NBAS: variants seen among roughly 807,000 people sequenced by gnomAD.
NBAS encodes NBAS subunit of NRZ tethering complex, also known as NAG/BC035112 fusion.
Under a neutral mutation model 302.5 loss-of-function variants are expected in NBAS, and 219 were observed. The observed-to-expected ratio is 0.72, with a 90% CI of 0.65 to 0.81. The LOEUF (loss-of-function observed/expected upper bound fraction) is 0.81, where lower values mean the gene tolerates loss of function less well. NBAS is among the 30% of genes least tolerant of loss of function. The pLI is 0.00. For synonymous variants in NBAS, 1,118 were observed against 1,021.6 expected (o/e 1.09, Z -1.80); for missense variants, 2,932 against 2,841.6 (o/e 1.03, Z -0.72).
chr2:15,249,982 C>CA (rs1205247026), intron 44 of NBAS, among the ~76,000 whole-genome samples: 1 of 152,042 alleles, frequency 6.6e-6, no homozygotes, highest in Non-Finnish European at 1.5e-5. Flanking sequence ...CATATGGAAC[C>CA]AAAAAAGAGC....
chr2:15,551,403 AT>A, intron 6 of NBAS, 89 bp downstream of exon 6: 1 of 814,654 alleles, frequency 1.2e-6, no homozygotes, highest in Non-Finnish European at 1.9e-6. Context: ...TTGTTAATAA[AT>A]ATTTAATATC....
chr2:14,865,263 A>G, the NBAS span, among the ~76,000 whole-genome samples: 1 of 149,068 alleles, frequency 6.7e-6, no homozygotes, highest in Non-Finnish European at 1.5e-5. Flanking sequence ...AAAATTATAA[A>G]CCTTTGTATC....
chr2:15,324,949 T>C (rs1354054685), intron 38 of NBAS, among the ~76,000 whole-genome samples: 1 of 152,188 alleles, frequency 6.6e-6, no homozygotes, highest in Non-Finnish European at 1.5e-5. Context: ...GGAGGCCGAC[T>C]AACCCAGAAA....
At position 15,394,366 on chromosome 2, in the gene NBAS, A is replaced by G; in HGVS notation, c.3135-17T>C. ...TCTGACACACTATAAGTGAAAAAAG[A>G]ATTATTTAATGTCTTGCTACCAAAC... On this transcript the variant is annotated splice_polypyrimidine_tract_variant and intron_variant, in intron 27 of 51. Transcript: ENST00000281513. 1 of 1,611,754 alleles carries G rather than the reference A, an allele frequency of 6.2e-7. No individual in the cohort carries two copies. The highest frequency in any genetic ancestry group is 2.2e-5 in the East Asian group (1 of 44,780).
the NBAS span, among the ~76,000 whole-genome samples, chr2:14,796,418 A>G: frequency 6.6e-6 from 1 of 152,238 alleles, no homozygotes. Context: ...TTGACTCTAT[A>G]GATTTGAGAA....
chr2:15,067,543 C>T, the NBAS span, among the ~76,000 whole-genome samples: 3 of 150,886 alleles, frequency 2.0e-5, no homozygotes, highest in East Asian at 5.9e-4. Context: ...CATGGATGAG[C>T]CTGAAGGACA....
At chr2:14,878,690 A>C in the NBAS span, among the ~76,000 whole-genome samples, 1 of 152,180 alleles carries the variant, frequency 6.6e-6, no homozygotes, top group Non-Finnish European at 1.5e-5. Flanking sequence ...GGAATGCTTA[A>C]AAGTAATGGC....
chr2:15,288,485 A>G (rs1670158410), intron 41 of NBAS, among the ~76,000 whole-genome samples: 1 of 152,170 alleles, frequency 6.6e-6, no homozygotes, highest in Non-Finnish European at 1.5e-5. Flanking sequence ...GGTCAAAGTG[A>G]GGAACGTACT....
chr2:15,440,101 G>A (rs901357317), intron 21 of NBAS, among the ~76,000 whole-genome samples: 1 of 152,380 alleles, frequency 6.6e-6, no homozygotes, highest in Non-Finnish European at 1.5e-5. Flanking sequence ...CTAAAAGACA[G>A]CAGTAATCTC....
intron 44 of NBAS, among the ~76,000 whole-genome samples, chr2:15,240,213 C>A: frequency 6.6e-6 from 1 of 152,002 alleles, no homozygotes; most frequent in East Asian, 1.9e-4. Flanking sequence ...TTCTGAAAAG[C>A]AGGACTAGGC....
chr2:15,537,827 T>A (rs79966128), intron 7 of NBAS, among the ~76,000 whole-genome samples: 3,456 of 152,320 alleles, frequency 0.023, 134 homozygotes, highest in African/African-American at 0.079. Flanking sequence ...ACTGTACAAC[T>A]TTTCTCCTGC....
chr2:15,465,067 T>C (rs1374051379), intron 19 of NBAS, among the ~76,000 whole-genome samples: 1 of 152,220 alleles, frequency 6.6e-6, no homozygotes, highest in Non-Finnish European at 1.5e-5. Flanking sequence ...ACCCATCTCA[T>C]AAGACAATGG....
chr2:15,050,220 G>A, the NBAS span, among the ~76,000 whole-genome samples: 5 of 151,998 alleles, frequency 3.3e-5, no homozygotes, highest in East Asian at 1.9e-4. Flanking sequence ...CCTCCCATGC[G>A]CCACTACATG....
chr2:15,384,012 T>A (rs997105037), intron 28 of NBAS, among the ~76,000 whole-genome samples: 35 of 152,240 alleles, frequency 2.3e-4, no homozygotes, highest in African/African-American at 7.7e-4. Flanking sequence ...CCTAAAACAG[T>A]CAACATCTCT....
At chr2:15,014,848 A>C in the NBAS span, among the ~76,000 whole-genome samples, 1 of 151,954 alleles carries the variant, frequency 6.6e-6, no homozygotes, top group Non-Finnish European at 1.5e-5. Flanking sequence ...ATGAAACAAA[A>C]AGTTGGTTTA....
intron 44 of NBAS, among the ~76,000 whole-genome samples, chr2:15,252,896 T>C (rs984173715): frequency 6.6e-6 from 1 of 151,902 alleles, no homozygotes; most frequent in Non-Finnish European, 1.5e-5. Flanking sequence ...TAAAAATATA[T>C]AAAATGTGAC....
chr2:15,026,621 T>C, the NBAS span, among the ~76,000 whole-genome samples: 14 of 152,158 alleles, frequency 9.2e-5, no homozygotes, highest in Non-Finnish European at 1.8e-4. Flanking sequence ...TACTTGATCG[T>C]GTTGGATTAG....
chr2:15,143,733 C>T, the NBAS span, among the ~76,000 whole-genome samples: 21 of 152,032 alleles, frequency 1.4e-4, no homozygotes, highest in Admixed American at 2.6e-4. Context: ...GGTGCTGCCA[C>T]AGAGATTAAC....
intron 25 of NBAS, among the ~76,000 whole-genome samples, chr2:15,413,714 A>G (rs1284047139): frequency 2.0e-5 from 3 of 152,210 alleles, no homozygotes; most frequent in Non-Finnish European, 4.4e-5. Flanking sequence ...AGAGAATCCA[A>G]CATTTACCTG....
Sources: allele counts gnomAD v4.1 joint callset (sites outside exome capture counted in the v4.1 genomes callset), GRCh38; gene constraint gnomAD v4.1.1; transcripts MANE v1.5; gene names NCBI Gene and HGNC (gene_info 2026-07-23, HGNC 2026-07-21).